The following FZD5 variants were observed in gnomAD, a reference collection of about 807,000 sequenced individuals.
FZD5 encodes frizzled class receptor 5, also known as frizzled-5.
FZD5 carries 12 observed loss-of-function variants against 40.8 expected under a neutral mutation model. The ratio of observed to expected loss-of-function variants is 0.29; its 90% confidence interval spans 0.19 to 0.48. The LOEUF is 0.48. FZD5 is among the 20% of genes least tolerant of loss of function. FZD5 has a pLI of 0.99. For synonymous variants in FZD5, 380 were observed against 383.7 expected (o/e 0.99, Z 0.11); for missense variants, 622 against 832.8 (o/e 0.75, Z 3.12).
Position 207,767,794 on chromosome 2 carries a change from T to G in FZD5, c.946A>C (p.Thr316Pro). 1.2e-6 allele frequency: 2 copies of G among 1,613,016 alleles called. No homozygotes were observed. The highest frequency in any genetic ancestry group is 1.7e-6 in the Non-Finnish European group (2 of 1,179,502). Residue 316 changes from threonine (T) to proline (P), a missense_variant, in exon 2 of 2, where the codon ACC (threonine) becomes CCC (proline). Thr to Pro is a conservative substitution (Grantham distance 38, BLOSUM62 -1). This residue lies in a region of FZD5 where 208 missense variants were observed against 348.9 expected (regional missense o/e 0.60). Transcript: ENST00000295417. ...HYETTGPALC[T>P]IVFLLVYFFG... Reference sequence around the variant, plus strand: ...AAGTAGACCAGGAGGAAGACGATGGTGCACAGTGCAGGGCCCGTGGTCTCG... The same window carrying G: ...AAGTAGACCAGGAGGAAGACGATGGGGCACAGTGCAGGGCCCGTGGTCTCG...
intron 1 of FZD5, 74 bp from the exon 2 acceptor site, chr2:207,769,068 C>T (rs1427977192): frequency 1.1e-5 from 4 of 357,212 alleles, no homozygotes; most frequent in Non-Finnish European, 2.1e-5. Context: ...TCGGTCCCCG[C>T]GAGCTGTCTC....
Position 207,763,060 on chromosome 2 carries a change from CAT to C in FZD5, c.*3920_*3921del, listed in dbSNP as rs1276514357. ...ATAGGCACTATACATATATGGAAATCATAAACAGTATCGAATGCCCTGGACTT... is the reference window on the plus strand; with the variant it reads ...ATAGGCACTATACATATATGGAAATCAAACAGTATCGAATGCCCTGGACTT... On this transcript the variant is annotated 3_prime_UTR_variant, in exon 2 of 2. Coordinates refer to ENST00000295417, the MANE Select transcript of FZD5 (RefSeq NM_003468.4). The C allele has an allele frequency of 8.5e-5, 13 of 152,536 alleles. No homozygotes were observed. The highest frequency in any genetic ancestry group is 3.1e-4 in the African/African-American group (13 of 41,402). The allele number at this position is 152,536 out of a possible 1,614,324, so 9.4% of individuals were successfully genotyped here.
In FZD5 at chr2:207,765,799, G is replaced by T. The variant is rs2091975949; in HGVS notation, c.*1183C>A. ...ACAGGTAGCCAGCCTCCCTCCCCCAGTTCAAGCACTTCATTCAAGGGTGGG... is the reference window on the plus strand; with the variant it reads ...ACAGGTAGCCAGCCTCCCTCCCCCATTTCAAGCACTTCATTCAAGGGTGGG... On this transcript the variant is annotated 3_prime_UTR_variant, in exon 2 of 2. Transcript: ENST00000295417. The T allele has an allele frequency of 6.6e-6, 1 of 151,932 alleles. No individual in the cohort carries two copies. Among genetic ancestry groups the T allele is most frequent in the Non-Finnish European group, 1.5e-5 (1 of 67,934 alleles). The allele number at this position is 151,932 out of a possible 1,614,324, so 9.4% of individuals were successfully genotyped here.
chr2:207,766,028 G>C lies in FZD5; in HGVS notation c.*954C>G, dbSNP rs1055652791. The C allele has an allele frequency of 2.7e-5, 4 of 147,702 alleles. No individual in the cohort carries two copies. 9.1% of individuals were successfully genotyped at this position (147,702 alleles called of 1,614,324 possible). On this transcript the variant is annotated 3_prime_UTR_variant, in exon 2 of 2. Coordinates refer to ENST00000295417, the MANE Select transcript of FZD5 (RefSeq NM_003468.4). ...AACTGTCGCTAAGTATTGTCCAGAGGGAGTGGGTTTATACTTTTACCAAAA... is the reference window on the plus strand; with the variant it reads ...AACTGTCGCTAAGTATTGTCCAGAGCGAGTGGGTTTATACTTTTACCAAAA...
At position 207,768,935 on chromosome 2, in the gene FZD5, G is replaced by T; in HGVS notation, c.-196C>A. 3.3e-6 allele frequency: 2 copies of T among 598,838 alleles called. No individual in the cohort carries two copies. Among genetic ancestry groups the T allele is most frequent in the South Asian group, 4.1e-5 (2 of 48,332 alleles). The allele number at this position is 598,838 out of a possible 1,614,324, so 37.1% of individuals were successfully genotyped here. A position where few individuals can be genotyped will look rare whatever the true frequency, so the allele number is the denominator to read the frequency against. On this transcript the variant is annotated 5_prime_UTR_variant, in exon 2 of 2. Transcript: ENST00000295417. ...GCGCTGCCTCCGCTGGCAGCGCTCC[G>T]CTCCTCGCCGGATAGGGCTGGGGAG... is the stretch of plus-strand genomic sequence containing the variant.
Position 207,767,190 on chromosome 2 carries a change from G to A in FZD5, c.1550C>T (p.Ser517Leu), listed in dbSNP as rs1259393485. 1.2e-6 allele frequency: 2 copies of A among 1,602,982 alleles called. No individual in the cohort carries two copies. The highest frequency in any genetic ancestry group is 1.7e-6 in the Non-Finnish European group (2 of 1,175,466). The change falls in exon 2 of 2, where the codon TCG becomes TTG. Residue 517 changes from serine to leucine, a missense_variant. Around this residue, in one of 4 missense-constraint regions of FZD5, gnomAD observed 154 missense variants for 152.1 expected, o/e 1.01. Transcript: ENST00000295417. ...CTTGCCCGACCAGATCCAGACGCCCGACGTGATGCCCACCACCAGGCACAT... is the reference window on the plus strand; with the variant it reads ...CTTGCCCGACCAGATCCAGACGCCCAACGTGATGCCCACCACCAGGCACAT... ...YFMCLVVGIT[S>L]GVWIWSGKTV...
chr2:207,768,713 C>G lies in FZD5; in HGVS notation c.27G>C (p.Pro9=). 1 of 1,592,686 alleles carries G rather than the reference C, an allele frequency of 6.3e-7. No homozygotes were observed. Among genetic ancestry groups the G allele is most frequent in the African/African-American group, 1.3e-5 (1 of 74,554 alleles). Residue 9 remains proline, a synonymous_variant, in exon 2 of 2, where the codon CCG becomes CCC. Coordinates refer to ENST00000295417, the MANE Select transcript of FZD5 (RefSeq NM_003468.4). ...CTAGGAGCAGCAGCAACAGCGAGGG[C>G]GGCGCGGATGGGTCAGGCCGAGCCA... MARPDPSA[P]PSLLLLLLAQ...
At position 207,769,742 on chromosome 2, in the gene FZD5, C is replaced by T. The variant is rs2092002005; in HGVS notation, c.-733G>A. Among the ~76,000 whole-genome samples, 1 of 151,982 alleles carries T rather than the reference C, an allele frequency of 6.6e-6. No homozygotes were observed. The highest frequency in any genetic ancestry group is 6.6e-5 in the Admixed American group (1 of 15,254). On this transcript the variant is annotated 5_prime_UTR_variant, in exon 1 of 2. Coordinates refer to ENST00000295417, the MANE Select transcript of FZD5 (RefSeq NM_003468.4). ...CGCTCGCCTCCTCCCCTGCAGGGGG[C>T]TCCGCGCTCCAGTGGACTCCTGGGG...
At position 207,769,898 on chromosome 2, in the gene FZD5, C is replaced by T. The variant is rs1395796023; in HGVS notation, c.-889G>A. Among the ~76,000 whole-genome samples the T allele has an allele frequency of 6.6e-6, 1 of 152,042 alleles. No individual in the cohort carries two copies. Among genetic ancestry groups the T allele is most frequent in the Non-Finnish European group, 1.5e-5 (1 of 67,966 alleles). ...CAGCGGACTCACGGCCGCAGGCTGG[C>T]TGCCCTCTCCCGCCCCGCCCGGGTC... is the stretch of plus-strand genomic sequence containing the variant. On this transcript the variant is annotated 5_prime_UTR_variant, in exon 1 of 2. Transcript: ENST00000295417.
rs1042405913 is a variant in FZD5, at chr2:207,767,505, A to G, written c.1235T>C (p.Leu412Pro). The change falls in exon 2 of 2, where the codon CTG (leucine) becomes CCG (proline). Residue 412 changes from leucine to proline, a missense_variant. By Grantham distance (98) the Leu-to-Pro change is moderately conservative. Around this residue, in one of 4 missense-constraint regions of FZD5, gnomAD observed 208 missense variants for 348.9 expected, o/e 0.60. Transcript: ENST00000295417. ...GFVLGPLVLYLLVGTLFLLAG... is the reference protein window; with the variant it reads ...GFVLGPLVLYPLVGTLFLLAG... ...CAGCAGGAAGAGCGTGCCCACCAGC[A>G]GGTAGAGCACCAGCGGGCCCAGCAC... is the stretch of plus-strand genomic sequence containing the variant. The G allele has an allele frequency of 6.2e-7, 1 of 1,610,030 alleles. No individual in the cohort carries two copies. The highest frequency in any genetic ancestry group is 8.5e-7 in the Non-Finnish European group (1 of 1,179,924).
chr2:207,768,666 G>A lies in FZD5; in HGVS notation c.74C>T (p.Ala25Val). 1 of 1,609,752 alleles carries A rather than the reference G, an allele frequency of 6.2e-7. No individual in the cohort carries two copies. Among genetic ancestry groups the A allele is most frequent in the Non-Finnish European group, 8.5e-7 (1 of 1,178,322 alleles). ...GCACACCGGGGCCTTGGACGCGGCG[G>A]CCGCCCGGCCCACCAGCTGCGCTAG... is the stretch of plus-strand genomic sequence containing the variant. ...LLLAQLVGRA[A>V]AASKAPVCQE... The change falls in exon 2 of 2, where the codon GCC (alanine) becomes GTC (valine). Residue 25 changes from alanine (A) to valine (V), a missense_variant. By Grantham distance (64) the Ala-to-Val change is moderately conservative. Around this residue, in one of 4 missense-constraint regions of FZD5, gnomAD observed 144 missense variants for 214.2 expected, o/e 0.67. Coordinates refer to ENST00000295417, the MANE Select transcript of FZD5 (RefSeq NM_003468.4).
chr2:207,766,992 G>T lies in FZD5; in HGVS notation c.1748C>A (p.Ser583Ter), dbSNP rs763388244. The T allele has an allele frequency of 3.6e-5, 53 of 1,473,548 alleles. No individual in the cohort carries two copies. The highest frequency in any genetic ancestry group is 4.5e-5 in the Non-Finnish European group (50 of 1,120,672). 91.3% of individuals were successfully genotyped at this position (1,473,548 alleles called of 1,614,324 possible). Reference sequence around the variant, plus strand: ...CTCGGCGGCAGCCTCCTACACGTGCGACAGGGACACCTGCTTGTGGTAGGT... The same window carrying T: ...CTCGGCGGCAGCCTCCTACACGTGCTACAGGGACACCTGCTTGTGGTAGGT... ...AATYHKQVSLSHV is the reference protein window; with the variant it reads ...AATYHKQVSL Residue 583 changes from serine to a stop codon, truncating the protein, a stop_gained, in exon 2 of 2, where the codon TCG becomes TAG. Coordinates refer to ENST00000295417, the MANE Select transcript of FZD5 (RefSeq NM_003468.4). LOFTEE classifies it high-confidence loss of function.
chr2:207,768,617 G>A lies in FZD5; in HGVS notation c.123C>T (p.Cys41=), dbSNP rs201311158. Residue 41 remains cysteine, a synonymous_variant, in exon 2 of 2, where the codon TGC becomes TGT. Transcript: ENST00000295417. ...GCGTCAGGTTGTAGCCGATGCCGCG[G>A]CACATGGGCACCGTGATTTCCTGGC... ...PVCQEITVPM[C]RGIGYNLTHM... 16 of 1,613,820 alleles carry A rather than the reference G, an allele frequency of 9.9e-6. No homozygotes were observed. The Middle Eastern group carries it at 5.0e-4, about 50-fold the overall frequency.
chr2:207,768,229 C>G lies in FZD5; in HGVS notation c.511G>C (p.Gly171Arg). 6.4e-7 allele frequency: 1 copy of G among 1,564,104 alleles called. No individual in the cohort carries two copies. Among genetic ancestry groups the G allele is most frequent in the Non-Finnish European group, 8.6e-7 (1 of 1,160,666 alleles). The change falls in exon 2 of 2, where the codon GGC becomes CGC. Residue 171 changes from glycine to arginine, a missense_variant. Coordinates refer to ENST00000295417, the MANE Select transcript of FZD5 (RefSeq NM_003468.4). ...RPFPAKPTLP[G>R]PPGAPASGGE... ...CCCGAGGCCGGCGCCCCTGGCGGGC[C>G]TGGAAGGGTGGGCTTGGCTGGGAAA...
rs994393807 is a variant in FZD5, at chr2:207,764,138, C to A, written c.*2844G>T. 1 of 152,548 alleles carries A rather than the reference C, an allele frequency of 6.6e-6. No individual in the cohort carries two copies. Among genetic ancestry groups the A allele is most frequent in the Non-Finnish European group, 1.5e-5 (1 of 68,034 alleles). 9.4% of individuals were successfully genotyped at this position (152,548 alleles called of 1,614,324 possible). On this transcript the variant is annotated 3_prime_UTR_variant, in exon 2 of 2. Transcript: ENST00000295417. ...ACCTACCTGAATGGAATCCTTACCC[C>A]CTAAGCTATGAAGTGAGGCATTGCT...
chr2:207,767,888 G>A lies in FZD5; in HGVS notation c.852C>T (p.Gly284=), dbSNP rs1004888959. 2 of 1,599,012 alleles carry A rather than the reference G, an allele frequency of 1.3e-6. No homozygotes were observed. Among genetic ancestry groups the A allele is most frequent in the Non-Finnish European group, 1.7e-6 (2 of 1,172,960 alleles). The change falls in exon 2 of 2, where the codon GGC becomes GGT. Residue 284 remains glycine (G), a synonymous_variant. Transcript: ENST00000295417. Reference sequence around the variant, plus strand: ...GGCCCACGACCAGACGCACCAGGAAGCCCAGCGACACGCACAGGTAGCAGG... The same window carrying A: ...GGCCCACGACCAGACGCACCAGGAAACCCAGCGACACGCACAGGTAGCAGG... ...LSACYLCVSL[G]FLVRLVVGHA...
rs1252273034 is a variant in FZD5 at position 207,765,710 on chromosome 2, T to A, written c.*1272A>T. The stretch of plus-strand genomic sequence containing the variant: ...AACGTCTTGCTGCTCTTGGAATATC[T>A]GGCTATAAACTAGTCCAAAGTCCAG... On this transcript the variant is annotated 3_prime_UTR_variant, in exon 2 of 2. Transcript: ENST00000295417. The A allele has an allele frequency of 6.6e-6, 1 of 152,616 alleles. No homozygotes were observed. Among genetic ancestry groups the A allele is most frequent in the South Asian group, 2.1e-4 (1 of 4,830 alleles). 9.5% of individuals were successfully genotyped at this position (152,616 alleles called of 1,614,324 possible). A position where few individuals can be genotyped will look rare whatever the true frequency, so the allele number is the denominator to read the frequency against.
In FZD5 at chr2:207,769,037, T is replaced by C. The variant is rs148064165; in HGVS notation, c.-255-43A>G. 2.0e-3 allele frequency: 909 copies of C among 454,358 alleles called. 5 individuals carry two copies. The highest frequency in any genetic ancestry group is 0.017 in the African/African-American group (832 of 47,876). 28.1% of individuals were successfully genotyped at this position (454,358 alleles called of 1,614,324 possible). On this transcript the variant is annotated intron_variant, in intron 1 of 1. Transcript: ENST00000295417. Reference sequence around the variant, plus strand: ...GAGAAGAAAGATTGCAACCACTCCCTGTTGGAGAGGCGTCAACAGTTCGGT... The same window carrying C: ...GAGAAGAAAGATTGCAACCACTCCCCGTTGGAGAGGCGTCAACAGTTCGGT...
rs1330021790 is a variant in FZD5, at chr2:207,768,323, C to T, written c.417G>A (p.Leu139=). The change falls in exon 2 of 2, where the codon CTG becomes CTA. Residue 139 remains leucine (L), a synonymous_variant. Transcript: ENST00000295417. ...ERMSCDRLPV[L]GRDAEVLCMD... Reference sequence around the variant, plus strand: ...TGCAGAGGACCTCGGCGTCGCGGCCCAGCACCGGGAGGCGGTCGCAGCTCA... The same window carrying T: ...TGCAGAGGACCTCGGCGTCGCGGCCTAGCACCGGGAGGCGGTCGCAGCTCA... 1 of 1,549,380 alleles carries T rather than the reference C, an allele frequency of 6.5e-7. No individual in the cohort carries two copies. The highest frequency in any genetic ancestry group is 2.3e-5 in the East Asian group (1 of 42,578).
Sources: gnomAD v4.1 joint callset for allele counts (sites outside exome capture counted in the v4.1 genomes callset) on GRCh38, gnomAD v4.1.1 for gene constraint, gnomAD v4.1.1 regional missense constraint, MANE v1.5 for transcripts, NCBI Gene and HGNC (gene_info 2026-07-23, HGNC 2026-07-21) for gene names.